Variants in OSBPL6 observed in about 807,000 individuals in gnomAD.
OSBPL6 encodes the protein oxysterol binding protein like 6.
OSBPL6 carries 49 observed loss-of-function variants against 125.8 expected under a neutral mutation model. The ratio of observed to expected loss-of-function variants is 0.39; its 90% CI spans 0.31 to 0.49. The LOEUF (loss-of-function observed/expected upper bound fraction) is 0.49, where lower values mean the gene tolerates loss of function less well. Ranked by LOEUF, OSBPL6 falls within the 20% of genes least tolerant of loss-of-function variation. The pLI, the probability that OSBPL6 is intolerant of heterozygous loss-of-function variation, is 0.88. For missense variants in OSBPL6, 986 were observed against 1,135.4 expected (o/e 0.87, Z 1.89); for synonymous variants, 394 against 391.8 (o/e 1.01, Z -0.07).
At position 178,395,654 on chromosome 2, in the gene OSBPL6, C is replaced by T. The variant is rs991192957; in HGVS notation, c.*95C>T. The T allele has an allele frequency of 3.2e-5, 31 of 967,746 alleles. No homozygotes were observed. The highest frequency in any genetic ancestry group is 2.0e-4 in the African/African-American group (12 of 60,428). 59.9% of individuals were successfully genotyped at this position (967,746 alleles called of 1,614,324 possible). A position where few individuals can be genotyped will look rare whatever the true frequency, so the allele number is the denominator to read the frequency against. Reference sequence around the variant, plus strand: ...TTATAGCTATGTGTGGTTTCTGGGTCAACTGAAAACCTACCATTTGCTTTT... The same window carrying T: ...TTATAGCTATGTGTGGTTTCTGGGTTAACTGAAAACCTACCATTTGCTTTT... On this transcript the variant is annotated 3_prime_UTR_variant, in exon 25 of 25. Coordinates refer to ENST00000190611, the MANE Select transcript of OSBPL6 (RefSeq NM_032523.4).
At chr2:178,361,065 G>A (rs1446660833) in intron 12 of OSBPL6, among the ~76,000 whole-genome samples, 1 of 152,148 alleles carries the variant, frequency 6.6e-6, no homozygotes, top group Admixed American at 6.5e-5. Flanking sequence ...GGGAGGGGGT[G>A]TTGTTTTTAT....
At chr2:178,332,817 G>C in intron 7 of OSBPL6, 54 bp from the exon 8 acceptor site, 1 of 1,601,520 alleles carries the variant, frequency 6.2e-7, no homozygotes, top group Non-Finnish European at 8.6e-7. Context: ...CTACACCAGT[G>C]GTAGGCAGGA....
chr2:178,260,148 T>C (rs934221307), intron 1 of OSBPL6, among the ~76,000 whole-genome samples: 1 of 152,196 alleles, frequency 6.6e-6, no homozygotes, highest in Non-Finnish European at 1.5e-5. Context: ...GGATAAATTC[T>C]TTATTATTTT....
chr2:178,285,451 G>A (rs1352277661), intron 2 of OSBPL6, among the ~76,000 whole-genome samples: 1 of 152,114 alleles, frequency 6.6e-6, no homozygotes, highest in Non-Finnish European at 1.5e-5. Context: ...TAGCCAAAAT[G>A]TTATCCTTGC....
At chr2:178,368,016 G>C (rs887044255) in intron 13 of OSBPL6, among the ~76,000 whole-genome samples, 5 of 151,904 alleles carry the variant, frequency 3.3e-5, no homozygotes, top group Middle Eastern at 3.2e-3. Context: ...ACTCCTCTTG[G>C]GTATATGCCC....
chr2:178,238,354 T>G (rs2091147706), intron 1 of OSBPL6, among the ~76,000 whole-genome samples: 1 of 152,196 alleles, frequency 6.6e-6, no homozygotes, highest in East Asian at 1.9e-4. Flanking sequence ...TCAGTAGCCA[T>G]CTCAGTGATC....
chr2:178,235,055 C>T (rs185116208), intron 1 of OSBPL6, among the ~76,000 whole-genome samples: 8 of 152,186 alleles, frequency 5.3e-5, no homozygotes, highest in Admixed American at 3.3e-4. Flanking sequence ...GGTACTTTGC[C>T]GGATACTCTT....
In OSBPL6 at chr2:178,257,428, T is replaced by C. The variant is rs184947897; in HGVS notation, c.-350-27499T>C. On this transcript the variant is annotated intron_variant, in intron 1 of 24. Transcript: ENST00000190611. ...AACGTTTTTATTATACATACTTCTG[T>C]CATATTATTTCTATTGCTATTTTTT... Among the ~76,000 whole-genome samples the C allele has an allele frequency of 2.6e-3, 401 of 152,324 alleles. 1 individual carries two copies. Among genetic ancestry groups the C allele is most frequent in the Admixed American group, 4.5e-3 (69 of 15,292 alleles).
chr2:178,222,328 A>G (rs921138090), intron 1 of OSBPL6, among the ~76,000 whole-genome samples: 7 of 152,216 alleles, frequency 4.6e-5, no homozygotes, highest in Non-Finnish European at 1.0e-4. Context: ...ATCTTGGCCC[A>G]AAACAAAGGT....
At chr2:178,242,471 T>A (rs781537653) in intron 1 of OSBPL6, among the ~76,000 whole-genome samples, 9 of 152,180 alleles carry the variant, frequency 5.9e-5, no homozygotes, top group Non-Finnish European at 8.8e-5. Context: ...GACGTCATCT[T>A]TGTATTTGGC....
At chr2:178,212,812 AT>A (rs11351848) in intron 1 of OSBPL6, among the ~76,000 whole-genome samples, 52,983 of 146,930 alleles carry the variant, frequency 0.36, 9,955 homozygotes, top group African/African-American at 0.5. Flanking sequence ...CCTCTTGATA[AT>A]TTTTTTTTTT....
intron 13 of OSBPL6, among the ~76,000 whole-genome samples, chr2:178,368,746 G>A (rs1263451611): frequency 6.7e-6 from 1 of 149,644 alleles, no homozygotes; most frequent in Non-Finnish European, 1.5e-5. Flanking sequence ...AAAATTAAAT[G>A]TAAAAAAATT....
At chr2:178,274,307 ATTT>A (rs373465330) in intron 1 of OSBPL6, among the ~76,000 whole-genome samples, 1 of 139,918 alleles carries the variant, frequency 7.1e-6, no homozygotes. Flanking sequence ...GGCGAGGTCA[ATTT>A]TTTTTTTTTT....
chr2:178,318,123 T>C (rs1471237714), intron 3 of OSBPL6, among the ~76,000 whole-genome samples: 1 of 152,246 alleles, frequency 6.6e-6, no homozygotes, highest in Non-Finnish European at 1.5e-5. Flanking sequence ...TAAAAAGCTG[T>C]TTATTCCCAT....
chr2:178,315,915 A>C (rs1302983074), intron 3 of OSBPL6, among the ~76,000 whole-genome samples: 2 of 152,182 alleles, frequency 1.3e-5, no homozygotes, highest in East Asian at 3.8e-4. Context: ...TAGAACTATA[A>C]AAACGTCATC....
chr2:178,374,121 T>C (rs1232578558), intron 15 of OSBPL6, 94 bp downstream of exon 15: 1 of 1,417,036 alleles, frequency 7.1e-7, no homozygotes, highest in East Asian at 2.3e-5. Flanking sequence ...GTGATTACTT[T>C]CATTTGTTTT....
chr2:178,328,207 T>C (rs113048457), intron 4 of OSBPL6, 49 bp from the exon 5 acceptor site: 1 of 1,607,962 alleles, frequency 6.2e-7, no homozygotes, highest in Non-Finnish European at 8.5e-7. Context: ...TTTAAGTGTG[T>C]CATCAGGCAC....
intron 2 of OSBPL6, among the ~76,000 whole-genome samples, chr2:178,287,843 TC>T (rs1684852326): frequency 2.0e-5 from 3 of 152,130 alleles, no homozygotes; most frequent in Non-Finnish European, 4.4e-5. Flanking sequence ...TGTTATCAGC[TC>T]CACATTCCAT....
intron 11 of OSBPL6, among the ~76,000 whole-genome samples, chr2:178,339,998 G>T (rs1019740965): frequency 6.6e-6 from 1 of 151,900 alleles, no homozygotes; most frequent in East Asian, 1.9e-4. Flanking sequence ...TGTTCAAAAT[G>T]GCATTTTTAT....
Sources: allele counts gnomAD v4.1 joint callset (sites outside exome capture counted in the v4.1 genomes callset), GRCh38; gene constraint gnomAD v4.1.1; transcripts MANE v1.5; gene names NCBI Gene and HGNC (gene_info 2026-07-23, HGNC 2026-07-21).